The following TIGIT variants were observed in gnomAD, a reference collection of about 807,000 sequenced individuals.
TIGIT encodes T cell immunoreceptor with Ig and ITIM domains.
A neutral mutation model predicts 19.6 loss-of-function variants in TIGIT; 11 were observed. The ratio of observed to expected loss-of-function variants is 0.56; its 90% CI spans 0.35 to 0.93. The LOEUF is 0.93. Ranked by LOEUF, TIGIT falls within the 40% of genes least tolerant of loss-of-function variation. The pLI is 0.01. For synonymous variants in TIGIT, 130 were observed against 125.5 expected (o/e 1.04, Z -0.24); for missense variants, 295 against 303.9 (o/e 0.97, Z 0.22).
At chr3:114,299,784 A>G in intron 3 of TIGIT, 81 bp downstream of exon 3, 1 of 864,670 alleles carries the variant, frequency 1.2e-6, no homozygotes, top group Non-Finnish European at 1.9e-6. Context: ...CTTTCCACCC[A>G]GAGAGAGACC....
intron 3 of TIGIT, chr3:114,307,427 C>G (rs920153741): frequency 5.9e-6 from 1 of 169,788 alleles, no homozygotes; most frequent in African/African-American, 2.4e-5. Context: ...AGAGCAGAAC[C>G]CTGGGGAACC....
chr3:114,306,599 C>T (rs973195954), intron 3 of TIGIT, among the ~76,000 whole-genome samples: 3 of 152,078 alleles, frequency 2.0e-5, no homozygotes, highest in African/African-American at 4.8e-5. Context: ...TATGGCATTG[C>T]CTTCATAAGG....
chr3:114,306,637 A>G (rs2078536902), intron 3 of TIGIT, among the ~76,000 whole-genome samples: 1 of 151,778 alleles, frequency 6.6e-6, no homozygotes, highest in Non-Finnish European at 1.5e-5. Flanking sequence ...TCAAATAATA[A>G]TTAATGTAAG....
chr3:114,308,517 T>C lies in TIGIT; in HGVS notation c.*386T>C, dbSNP rs1246363952. The stretch of plus-strand genomic sequence containing the variant: ...TGAGGATGGCATGACTGCAGAGCCA[T>C]CCTCATCTCATTTTTTCACGTCATT... On this transcript the variant is annotated 3_prime_UTR_variant, in exon 4 of 4. Transcript: ENST00000383671. 1.2e-5 allele frequency: 2 copies of C among 160,414 alleles called. No homozygotes were observed. Among genetic ancestry groups the C allele is most frequent in the Non-Finnish European group, 2.7e-5 (2 of 73,508 alleles). The allele number at this position is 160,414 out of a possible 1,614,324, so 9.9% of individuals were successfully genotyped here. A position where few individuals can be genotyped will look rare whatever the true frequency, so the allele number is the denominator to read the frequency against.
At chr3:114,299,546 C>G (rs759241369) in intron 2 of TIGIT, 51 bp from the exon 3 acceptor site, 1 of 1,417,448 alleles carries the variant, frequency 7.1e-7, no homozygotes, top group Admixed American at 1.7e-5. Context: ...CTGGGGAAAT[C>G]AGCTTCACTT....
intron 3 of TIGIT, among the ~76,000 whole-genome samples, chr3:114,300,929 A>G (rs895622199): frequency 2.6e-5 from 4 of 152,230 alleles, no homozygotes; most frequent in Admixed American, 6.5e-5. Flanking sequence ...TAAGTTTCCA[A>G]CACATGGCCT....
intron 1 of TIGIT, 143 bp from the exon 2 acceptor site, chr3:114,295,402 T>C: frequency 1.4e-6 from 1 of 691,416 alleles, no homozygotes; most frequent in Non-Finnish European, 2.6e-6. Flanking sequence ...AATTACAGCC[T>C]CTATGGAGGA....
chr3:114,307,649 G>A (rs994895380), intron 3 of TIGIT: 10 of 507,272 alleles, frequency 2.0e-5, no homozygotes, highest in Non-Finnish European at 2.5e-5. Flanking sequence ...ACTAAGCTTA[G>A]TGAACAGGAA....
intron 3 of TIGIT, 58 bp from the exon 4 acceptor site, chr3:114,307,837 G>A: frequency 1.4e-6 from 2 of 1,472,010 alleles, no homozygotes; most frequent in East Asian, 4.6e-5. Context: ...TGTCATATTG[G>A]GGATTAACTG....
intron 3 of TIGIT, among the ~76,000 whole-genome samples, chr3:114,304,077 G>A (rs1362162423): frequency 6.6e-6 from 1 of 151,526 alleles, no homozygotes; most frequent in African/African-American, 2.4e-5. Context: ...GTCTTTTTAT[G>A]TCCTTAGCCC....
intron 3 of TIGIT, among the ~76,000 whole-genome samples, chr3:114,305,869 GATAGATAGATA>G (rs2078531347): frequency 8.6e-6 from 1 of 116,234 alleles, no homozygotes; most frequent in Non-Finnish European, 2.2e-5. Context: ...TGGATGGATA[GATAGATAGATA>G]GATAGATAGA....
At chr3:114,294,169 A>C (rs2078438905) in intron 1 of TIGIT, 47 bp downstream of exon 1, 1 of 1,477,586 alleles carries the variant, frequency 6.8e-7, no homozygotes, top group Admixed American at 2.2e-5. Context: ...AAACAAGGCT[A>C]AGCTTGGTTG....
At chr3:114,301,155 G>A (rs2078489785) in intron 3 of TIGIT, among the ~76,000 whole-genome samples, 1 of 152,096 alleles carries the variant, frequency 6.6e-6, no homozygotes, top group South Asian at 2.1e-4. Flanking sequence ...CTTTAAGTCA[G>A]CTCAGCCCAG....
chr3:114,301,993 C>G (rs1223425654), intron 3 of TIGIT, among the ~76,000 whole-genome samples: 1 of 152,182 alleles, frequency 6.6e-6, no homozygotes, highest in Non-Finnish European at 1.5e-5. Context: ...GGAGGAGTAG[C>G]AAGGTGCTGT....
chr3:114,307,398 T>G (rs1233395033), intron 3 of TIGIT, among the ~76,000 whole-genome samples: 1 of 152,040 alleles, frequency 6.6e-6, no homozygotes, highest in African/African-American at 2.4e-5. Context: ...GAGAGCATGT[T>G]TAGCGTGAGA....
intron 2 of TIGIT, 89 bp from the exon 3 acceptor site, chr3:114,299,508 C>T: frequency 2.0e-6 from 2 of 977,280 alleles, no homozygotes; most frequent in South Asian, 1.4e-5. Flanking sequence ...GCCAATCCTC[C>T]CCTCTCTGCC....
At chr3:114,306,652 T>G (rs977423016) in intron 3 of TIGIT, among the ~76,000 whole-genome samples, 2 of 152,190 alleles carry the variant, frequency 1.3e-5, no homozygotes, top group African/African-American at 4.8e-5. Context: ...TGTAAGGCAC[T>G]TAGCATTTTT....
intron 3 of TIGIT, among the ~76,000 whole-genome samples, chr3:114,303,501 A>C (rs1475424160): frequency 2.0e-5 from 1 of 51,082 alleles, no homozygotes; most frequent in Non-Finnish European, 4.5e-5. Flanking sequence ...GTGTATATAT[A>C]TATGTATATA....
At chr3:114,294,618 G>A (rs1398065382) in intron 1 of TIGIT, among the ~76,000 whole-genome samples, 3 of 152,116 alleles carry the variant, frequency 2.0e-5, no homozygotes, top group African/African-American at 4.8e-5. Context: ...TATTTCTGAG[G>A]GAGGGGAACA....
Sources: allele counts gnomAD v4.1 joint callset (sites outside exome capture counted in the v4.1 genomes callset), GRCh38; gene constraint gnomAD v4.1.1; transcripts MANE v1.5; gene names NCBI Gene and HGNC (gene_info 2026-07-23, HGNC 2026-07-21).